The following TASP1 variants were observed in gnomAD, a reference collection of about 807,000 sequenced individuals.
The protein encoded by TASP1 is taspase 1.
A neutral mutation model predicts 56.6 loss-of-function variants in TASP1; 16 were observed. The observed-to-expected ratio is 0.28, with a 90% CI of 0.19 to 0.43. The LOEUF is 0.43. TASP1 is among the 20% of genes least tolerant of loss of function. The probability of loss-of-function intolerance (pLI) is 1.00; values close to 1 mark genes in which losing one functional copy is unlikely to be tolerated. For missense variants in TASP1, 393 were observed against 511.6 expected (o/e 0.77, Z 2.24); for synonymous variants, 179 against 184.2 (o/e 0.97, Z 0.23).
chr20:13,373,715 TA>T, the TASP1 span, among the ~76,000 whole-genome samples: 1 of 152,150 alleles, frequency 6.6e-6, no homozygotes, highest in Non-Finnish European at 1.5e-5. Context: ...TTTTCTATGA[TA>T]TGTTAAACAG....
intron 11 of TASP1, among the ~76,000 whole-genome samples, chr20:13,481,495 A>G (rs948948433): frequency 2.0e-5 from 3 of 152,172 alleles, no homozygotes; most frequent in African/African-American, 7.2e-5. Context: ...AGGAACCTCC[A>G]AACTGTTCTC....
At chr20:13,608,544 G>A (rs2048239746) in intron 4 of TASP1, among the ~76,000 whole-genome samples, 1 of 152,184 alleles carries the variant, frequency 6.6e-6, no homozygotes, top group South Asian at 2.1e-4. Flanking sequence ...CACAAAAGCA[G>A]CAATAGAAAA....
At chr20:13,301,652 G>A in the TASP1 span, among the ~76,000 whole-genome samples, 13 of 152,068 alleles carry the variant, frequency 8.5e-5, no homozygotes, top group East Asian at 9.6e-4. Context: ...GAATCAATGC[G>A]TCCGTGTATC....
chr20:13,574,402 A>G (rs1478639031), intron 6 of TASP1, among the ~76,000 whole-genome samples: 1 of 152,230 alleles, frequency 6.6e-6, no homozygotes, highest in Non-Finnish European at 1.5e-5. Context: ...CACAGCACCC[A>G]AAAAGGTAAA....
At chr20:13,582,876 C>T (rs2047174858) in intron 5 of TASP1, among the ~76,000 whole-genome samples, 1 of 152,148 alleles carries the variant, frequency 6.6e-6, no homozygotes, top group South Asian at 2.1e-4. Context: ...TGCCAGCTAG[C>T]ACAATAGGTA....
chr20:13,181,560 A>T, the TASP1 span, among the ~76,000 whole-genome samples: 1 of 152,214 alleles, frequency 6.6e-6, no homozygotes, highest in African/African-American at 2.4e-5. Flanking sequence ...CTAAGGAACC[A>T]AATATTGACC....
At chr20:13,164,329 C>G in the TASP1 span, 1 of 471,650 alleles carries the variant, frequency 2.1e-6, no homozygotes, top group Admixed American at 2.3e-5. Flanking sequence ...AATCAGCTCC[C>G]GCAACATTCC....
chr20:13,236,994 C>G, the TASP1 span, among the ~76,000 whole-genome samples: 1 of 152,184 alleles, frequency 6.6e-6, no homozygotes, highest in Non-Finnish European at 1.5e-5. Flanking sequence ...ATCTGGAGGA[C>G]AGTGGCCCTC....
the TASP1 span, among the ~76,000 whole-genome samples, chr20:13,293,932 C>G: frequency 2.6e-5 from 4 of 151,878 alleles, no homozygotes; most frequent in African/African-American, 9.7e-5. Context: ...CGAGATCACA[C>G]CATTGCACTC....
chr20:13,159,861 T>C, the TASP1 span: 2 of 1,172,724 alleles, frequency 1.7e-6, no homozygotes, highest in Non-Finnish European at 2.3e-6. Context: ...GTTTAAAAAC[T>C]TCAATCATCT....
At chr20:13,450,747 T>C (rs1208408657) in intron 11 of TASP1, among the ~76,000 whole-genome samples, 1 of 152,140 alleles carries the variant, frequency 6.6e-6, no homozygotes, top group Non-Finnish European at 1.5e-5. Flanking sequence ...GGTTAGAATA[T>C]ACTTCTTCCA....
At chr20:13,243,899 A>T in the TASP1 span, among the ~76,000 whole-genome samples, 1 of 152,194 alleles carries the variant, frequency 6.6e-6, no homozygotes, top group South Asian at 2.1e-4. Context: ...TAGATATTTG[A>T]AGGGAAGATG....
the TASP1 span, among the ~76,000 whole-genome samples, chr20:13,217,256 G>C: frequency 1.3e-5 from 2 of 152,108 alleles, no homozygotes; most frequent in African/African-American, 4.8e-5. Flanking sequence ...GAGAATGCAG[G>C]TAAGACAAGA....
chr20:13,173,216 G>C, the TASP1 span, among the ~76,000 whole-genome samples: 3 of 152,188 alleles, frequency 2.0e-5, no homozygotes, highest in Non-Finnish European at 4.4e-5. Context: ...TCTATAAAAA[G>C]CAGAATTGCT....
At chr20:13,189,829 T>A in the TASP1 span, among the ~76,000 whole-genome samples, 2 of 152,144 alleles carry the variant, frequency 1.3e-5, no homozygotes, top group Non-Finnish European at 2.9e-5. Context: ...TAAATCATTG[T>A]ACCAAAAAGA....
chr20:13,528,321 T>C lies in TASP1; in HGVS notation c.874+112A>G, dbSNP rs572304650. 78 of 654,318 alleles carry C rather than the reference T, an allele frequency of 1.2e-4. No individual in the cohort carries two copies. In the African/African-American group the frequency reaches 1.3e-3, roughly 11 times the overall value. The allele number at this position is 654,318 out of a possible 1,614,324, so 40.5% of individuals were successfully genotyped here. On this transcript the variant is annotated intron_variant, in intron 10 of 13. Coordinates refer to ENST00000337743, the MANE Select transcript of TASP1 (RefSeq NM_017714.3). ...GCAAATACTGAAGATCTTTCCCACA[T>C]CCATACACTGTCATAGCACATGTTC...
chr20:13,472,147 C>T (rs376805280), intron 11 of TASP1, among the ~76,000 whole-genome samples: 4 of 150,718 alleles, frequency 2.7e-5, no homozygotes, highest in African/African-American at 4.9e-5. Flanking sequence ...TACCGACCAA[C>T]GGAACAGAAC....
At chr20:13,242,350 A>C in the TASP1 span, among the ~76,000 whole-genome samples, 4 of 152,212 alleles carry the variant, frequency 2.6e-5, no homozygotes, top group Non-Finnish European at 5.9e-5. Context: ...TGAAAGGAGC[A>C]GGATTTGTTT....
intron 10 of TASP1, among the ~76,000 whole-genome samples, chr20:13,487,979 T>G (rs1467189154): frequency 1.3e-5 from 2 of 152,080 alleles, no homozygotes; most frequent in Non-Finnish European, 2.9e-5. Context: ...ATTGTTTGCC[T>G]ATCCCTGAAA....
Sources: allele counts gnomAD v4.1 joint callset (sites outside exome capture counted in the v4.1 genomes callset), GRCh38; gene constraint gnomAD v4.1.1; transcripts MANE v1.5; gene names NCBI Gene and HGNC (gene_info 2026-07-23, HGNC 2026-07-21).